Variants in MTHFD2L observed in about 807,000 individuals in gnomAD.
The protein encoded by MTHFD2L is methylenetetrahydrofolate dehydrogenase (NADP+ dependent) 2 like.
MTHFD2L carries 29 observed loss-of-function variants against 34.9 expected under a neutral mutation model. The observed-to-expected ratio is 0.83, with a 90% CI of 0.62 to 1.13. The LOEUF (loss-of-function observed/expected upper bound fraction) is 1.13. MTHFD2L is among the 50% of genes most tolerant of loss of function. The probability of loss-of-function intolerance (pLI) is 0.00; values close to 1 mark genes in which losing one functional copy is unlikely to be tolerated. For synonymous variants in MTHFD2L, 167 were observed against 155.7 expected, an observed-to-expected ratio of 1.07 and a Z score of -0.54; for missense variants, 481 against 446.5, an observed-to-expected ratio of 1.08 and a Z score of -0.70.
chr4:74,229,865 GTACT>G (rs1739739711), intron 6 of MTHFD2L, among the ~76,000 whole-genome samples: 1 of 152,076 alleles, frequency 6.6e-6, no homozygotes, highest in Non-Finnish European at 1.5e-5. Context: ...AGTTTCTAGA[GTACT>G]TTAATGTACC....
At chr4:74,294,477 G>A (rs1749386289) in intron 7 of MTHFD2L, among the ~76,000 whole-genome samples, 1 of 151,850 alleles carries the variant, frequency 6.6e-6, no homozygotes, top group African/African-American at 2.4e-5. Flanking sequence ...CATGAAGGAT[G>A]GATTGATGGT....
intron 6 of MTHFD2L, among the ~76,000 whole-genome samples, chr4:74,238,609 A>G (rs1407736686): frequency 6.6e-6 from 1 of 152,234 alleles, no homozygotes; most frequent in Non-Finnish European, 1.5e-5. Flanking sequence ...AAGGGCTAAT[A>G]TCCAGAATCT....
chr4:74,204,111 A>T (rs1734913267), intron 5 of MTHFD2L, among the ~76,000 whole-genome samples: 1 of 152,128 alleles, frequency 6.6e-6, no homozygotes, highest in African/African-American at 2.4e-5. Context: ...GGAAACAGGC[A>T]TTCTGGGGAG....
intron 1 of MTHFD2L, chr4:74,143,264 C>T (rs559705260): frequency 1.9e-5 from 5 of 258,168 alleles, no homozygotes; most frequent in South Asian, 2.9e-4. Context: ...GCACTGATTC[C>T]TCACAGCCTT....
chr4:74,281,039 C>T (rs573817844), intron 6 of MTHFD2L, among the ~76,000 whole-genome samples: 12 of 151,830 alleles, frequency 7.9e-5, no homozygotes, highest in South Asian at 4.2e-4. Flanking sequence ...TCCCTCCTTC[C>T]GATTTCCAAG....
chr4:74,217,501 T>C (rs1379685072), intron 5 of MTHFD2L, among the ~76,000 whole-genome samples: 4 of 151,868 alleles, frequency 2.6e-5, no homozygotes, highest in Admixed American at 6.6e-5. Flanking sequence ...CCTGTGATTT[T>C]CTCTCAGTGA....
chr4:74,178,811 A>G (rs930570382), intron 3 of MTHFD2L, among the ~76,000 whole-genome samples: 2 of 151,982 alleles, frequency 1.3e-5, no homozygotes, highest in Admixed American at 1.3e-4. Flanking sequence ...GCTATTATAT[A>G]TTTTTTACTG....
chr4:74,288,412 G>T (rs1202400974), intron 7 of MTHFD2L: 1 of 152,208 alleles, frequency 6.6e-6, no homozygotes, highest in Non-Finnish European at 1.5e-5. Context: ...ATAGTCATGT[G>T]TGGAGTACAA....
At chr4:74,264,282 G>T (rs555109871) in intron 6 of MTHFD2L, among the ~76,000 whole-genome samples, 1 of 152,126 alleles carries the variant, frequency 6.6e-6, no homozygotes, top group East Asian at 1.9e-4. Flanking sequence ...TTTCATATAT[G>T]ATTATCTATT....
At chr4:74,285,425 T>G (rs1239380132) in intron 7 of MTHFD2L, among the ~76,000 whole-genome samples, 1 of 152,132 alleles carries the variant, frequency 6.6e-6, no homozygotes, top group African/African-American at 2.4e-5. Context: ...AAACTATTCT[T>G]TGCAAAATGT....
Position 74,133,076 on chromosome 4 carries a change from G to T in MTHFD2L, c.-297+7559G>T, listed in dbSNP as rs114794794. Among the ~76,000 whole-genome samples, 1,510 of 152,270 alleles carry T rather than the reference G, an allele frequency of 9.9e-3. 24 individuals carry two copies. Among genetic ancestry groups the T allele is most frequent in the African/African-American group, 0.029 (1,213 of 41,546 alleles). Reference sequence around the variant, plus strand: ...CCCTTTAGCATTTCTTGCAAGACGGGTCTAGTAGTGGTGAATTCTCTTAGC... The same window carrying T: ...CCCTTTAGCATTTCTTGCAAGACGGTTCTAGTAGTGGTGAATTCTCTTAGC... On this transcript the variant is annotated intron_variant, in intron 1 of 7. Coordinates refer to the MTHFD2L transcript ENST00000433372.
chr4:74,151,260 A>G (rs937594234), intron 1 of MTHFD2L, among the ~76,000 whole-genome samples: 1 of 152,208 alleles, frequency 6.6e-6, no homozygotes, highest in African/African-American at 2.4e-5. Flanking sequence ...CTTGGTAATC[A>G]ATTTTTCAAT....
At chr4:74,281,051 T>G (rs1233059293) in intron 6 of MTHFD2L, among the ~76,000 whole-genome samples, 1 of 151,860 alleles carries the variant, frequency 6.6e-6, no homozygotes. Context: ...ATTTCCAAGT[T>G]GCTTTCACTG....
chr4:74,168,904 A>T (rs1681848368), intron 1 of MTHFD2L, among the ~76,000 whole-genome samples: 1 of 152,224 alleles, frequency 6.6e-6, no homozygotes, highest in Admixed American at 6.5e-5. Flanking sequence ...TAATTTGTTT[A>T]TGCACTAAAG....
intron 5 of MTHFD2L, among the ~76,000 whole-genome samples, chr4:74,217,507 A>G (rs1428372265): frequency 1.3e-5 from 2 of 151,720 alleles, no homozygotes; most frequent in Non-Finnish European, 2.9e-5. Flanking sequence ...ATTTTCTCTC[A>G]GTGATTTCTC....
rs1723215386 is a variant in MTHFD2L, at chr4:74,140,549, T to A, written c.-297+15032T>A. ...CACACCTTTTTCATGTTGTGCATTA[T>A]TCATTTAGGCTATACTACAAAAAAG... On this transcript the variant is annotated intron_variant, in intron 1 of 7. Transcript: ENST00000433372. 5 of 979,616 alleles carry A rather than the reference T, an allele frequency of 5.1e-6. No individual in the cohort carries two copies. In the South Asian group the frequency reaches 1.9e-4, roughly 37 times the overall value. The allele number at this position is 979,616 out of a possible 1,614,324, so 60.7% of individuals were successfully genotyped here.
chr4:74,192,136 TAATA>T (rs1487279842), intron 3 of MTHFD2L, among the ~76,000 whole-genome samples: 1 of 152,016 alleles, frequency 6.6e-6, no homozygotes, highest in Non-Finnish European at 1.5e-5. Context: ...AAAATATATA[TAATA>T]AATAAACAAA....
chr4:74,291,649 T>C (rs925663736), intron 7 of MTHFD2L, among the ~76,000 whole-genome samples: 1 of 152,202 alleles, frequency 6.6e-6, no homozygotes, highest in Non-Finnish European at 1.5e-5. Context: ...CTGGAATTTA[T>C]GTTTTCCAGA....
At chr4:74,204,628 AT>A (rs1284420409) in intron 5 of MTHFD2L, among the ~76,000 whole-genome samples, 1 of 152,292 alleles carries the variant, frequency 6.6e-6, no homozygotes, top group African/African-American at 2.4e-5. Flanking sequence ...TTTACAATAT[AT>A]TTTTAATAGG....
Sources: gnomAD v4.1 joint callset for allele counts (sites outside exome capture counted in the v4.1 genomes callset) on GRCh38, gnomAD v4.1.1 for gene constraint, MANE v1.5 for transcripts, NCBI Gene and HGNC (gene_info 2026-07-23, HGNC 2026-07-21) for gene names.